GRIN2A: variants seen among roughly 807,000 people sequenced by gnomAD.
GRIN2A encodes glutamate receptor ionotropic, NMDA 2A.
Under a neutral mutation model 113.4 loss-of-function variants are expected in GRIN2A, and 22 were observed. That is an observed-to-expected ratio of 0.19 (90% CI 0.14 to 0.28). The LOEUF (loss-of-function observed/expected upper bound fraction) is 0.28. Among genes scored for constraint, GRIN2A ranks in the 10% least tolerant of loss-of-function variants. GRIN2A has a pLI of 1.00. For missense variants in GRIN2A, 1,502 were observed against 1,887.0 expected, an observed-to-expected ratio of 0.80 and a Z score of 3.78; for synonymous variants, 827 against 738.4, an observed-to-expected ratio of 1.12 and a Z score of -1.94.
intron 10 of GRIN2A, among the ~76,000 whole-genome samples, chr16:9,816,557 G>A (rs535581148): frequency 9.4e-4 from 143 of 152,282 alleles, no homozygotes; most frequent in African/African-American, 3.4e-3. Context: ...CGGAGTTCTA[G>A]GGACGTTGTT....
intron 2 of GRIN2A, among the ~76,000 whole-genome samples, chr16:9,982,641 T>C (rs2045912534): frequency 6.6e-6 from 1 of 152,180 alleles, no homozygotes; most frequent in East Asian, 1.9e-4. Context: ...TATTACAAAC[T>C]CACGGATTTT....
chr16:10,044,697 C>A (rs1249675089), intron 2 of GRIN2A, among the ~76,000 whole-genome samples: 1 of 150,548 alleles, frequency 6.6e-6, no homozygotes, highest in African/African-American at 2.5e-5. Flanking sequence ...ACACGTTTAT[C>A]ATTCAAAGGA....
intron 2 of GRIN2A, among the ~76,000 whole-genome samples, chr16:10,060,890 A>G (rs951566472): frequency 6.6e-6 from 1 of 152,204 alleles, no homozygotes; most frequent in East Asian, 1.9e-4. Context: ...ACTTCCTACC[A>G]TATTGATCAA....
intron 2 of GRIN2A, among the ~76,000 whole-genome samples, chr16:10,003,248 C>A (rs1460083857): frequency 6.6e-6 from 1 of 152,058 alleles, no homozygotes; most frequent in Non-Finnish European, 1.5e-5. Flanking sequence ...GATTCTGATT[C>A]CAATGGGAGA....
chr16:10,029,710 C>T (rs1416794113), intron 2 of GRIN2A, among the ~76,000 whole-genome samples: 2 of 152,126 alleles, frequency 1.3e-5, no homozygotes, highest in African/African-American at 4.8e-5. Context: ...AAAGTAGAAA[C>T]TCAGACCTGG....
chr16:10,003,818 A>G (rs763793283), intron 2 of GRIN2A, among the ~76,000 whole-genome samples: 10 of 152,200 alleles, frequency 6.6e-5, no homozygotes, highest in Non-Finnish European at 1.5e-4. Context: ...AGTAAGAGGA[A>G]TAAGTGCTTG....
intron 2 of GRIN2A, among the ~76,000 whole-genome samples, chr16:10,086,062 C>A (rs922479298): frequency 6.6e-6 from 1 of 152,136 alleles, no homozygotes; most frequent in Non-Finnish European, 1.5e-5. Context: ...CTACATGAAG[C>A]AAAATCCTAT....
chr16:9,991,191 G>A (rs1021735525), intron 2 of GRIN2A, among the ~76,000 whole-genome samples: 6 of 152,196 alleles, frequency 3.9e-5, no homozygotes, highest in Non-Finnish European at 7.3e-5. Context: ...CACATTATAG[G>A]AGTTATCAGA....
chr16:9,968,868 A>C (rs1413263344), intron 2 of GRIN2A, among the ~76,000 whole-genome samples: 3 of 152,150 alleles, frequency 2.0e-5, no homozygotes. Flanking sequence ...CAGCCTTCCA[A>C]AGTGCTGGTA....
rs573606021 is a variant in GRIN2A at position 10,109,749 on chromosome 16, G to A, written c.414+70249C>T. On this transcript the variant is annotated intron_variant, in intron 2 of 12. Transcript: ENST00000330684. Reference sequence around the variant, plus strand: ...ATAACAAAAAATATATAATTGGATCGTTTGTAACACAAAGGATAAATGCTC... The same window carrying A: ...ATAACAAAAAATATATAATTGGATCATTTGTAACACAAAGGATAAATGCTC... 6.6e-5 allele frequency among the ~76,000 whole-genome samples: 10 copies of A among 151,940 alleles called. No individual in the cohort carries two copies. The South Asian group carries it at 1.0e-3, about 16-fold the overall frequency.
rs1486709547 is a variant in GRIN2A at position 9,822,432 on chromosome 16, G to A, written c.2008-8C>T. On this transcript the variant is annotated splice_region_variant and splice_polypyrimidine_tract_variant and intron_variant, in intron 9 of 12. Transcript: ENST00000330684. Reference sequence around the variant, plus strand: ...GTCATGAGGTCTCTGAAACTGGAGAGAGAACGAGAAAGGAAGAGAGAGAGT... The same window carrying A: ...GTCATGAGGTCTCTGAAACTGGAGAAAGAACGAGAAAGGAAGAGAGAGAGT... 1 of 1,589,894 alleles carries A rather than the reference G, an allele frequency of 6.3e-7. No individual in the cohort carries two copies. Among genetic ancestry groups the A allele is most frequent in the Non-Finnish European group, 8.6e-7 (1 of 1,158,112 alleles).
Position 10,049,509 on chromosome 16 carries a change from C to G in GRIN2A, c.415-110958G>C, listed in dbSNP as rs568531938. ...TCTCCTGCCTCAGCCTCCTGAGTAG[C>G]TGGGGTTACAAGCACCCACAACTAC... On this transcript the variant is annotated intron_variant, in intron 2 of 12. Transcript: ENST00000330684. 8.5e-5 allele frequency among the ~76,000 whole-genome samples: 13 copies of G among 152,224 alleles called. No homozygotes were observed. In the South Asian group the frequency reaches 2.5e-3, roughly 29 times the overall value.
chr16:9,933,253 G>A (rs2141615081), intron 3 of GRIN2A, among the ~76,000 whole-genome samples: 1 of 152,206 alleles, frequency 6.6e-6, no homozygotes, highest in East Asian at 1.9e-4. Context: ...TACAGAAACG[G>A]TTGGGTGTAA....
intron 2 of GRIN2A, among the ~76,000 whole-genome samples, chr16:10,064,105 C>G (rs2047600728): frequency 6.6e-6 from 1 of 152,244 alleles, no homozygotes; most frequent in African/African-American, 2.4e-5. Context: ...CTTTTCTTAC[C>G]CATGGTAGGT....
chr16:9,998,993 G>A (rs548563241), intron 2 of GRIN2A, among the ~76,000 whole-genome samples: 2 of 152,272 alleles, frequency 1.3e-5, no homozygotes, highest in South Asian at 2.1e-4. Context: ...TCAGCTCAGA[G>A]CCAATGGAAG....
chr16:9,966,008 G>A (rs2045550229), intron 2 of GRIN2A, among the ~76,000 whole-genome samples: 1 of 152,170 alleles, frequency 6.6e-6, no homozygotes, highest in South Asian at 2.1e-4. Context: ...TTTTAAATAT[G>A]CAGCACCTTA....
intron 2 of GRIN2A, among the ~76,000 whole-genome samples, chr16:10,034,083 T>G (rs2046979773): frequency 1.3e-5 from 2 of 152,204 alleles, no homozygotes; most frequent in African/African-American, 4.8e-5. Context: ...AATGCCTTCC[T>G]GATGCCAGGC....
At chr16:9,806,565 A>G (rs1312730423) in intron 10 of GRIN2A, among the ~76,000 whole-genome samples, 1 of 152,000 alleles carries the variant, frequency 6.6e-6, no homozygotes, top group Non-Finnish European at 1.5e-5. Context: ...AGAGGATAGA[A>G]GAGAGGAAGA....
chr16:10,032,893 A>G (rs2046955630), intron 2 of GRIN2A, among the ~76,000 whole-genome samples: 1 of 152,134 alleles, frequency 6.6e-6, no homozygotes, highest in Admixed American at 6.5e-5. Flanking sequence ...TTTCCTTATC[A>G]TTGTCCTTAA....
Sources: gnomAD v4.1 joint callset for allele counts (sites outside exome capture counted in the v4.1 genomes callset) on GRCh38, gnomAD v4.1.1 for gene constraint, MANE v1.5 for transcripts, NCBI Gene and HGNC (gene_info 2026-07-23, HGNC 2026-07-21) for gene names.